The following NLRP5 variants were observed in gnomAD, a reference collection of about 807,000 sequenced individuals.
The protein encoded by NLRP5 is NACHT, LRR and PYD domains-containing protein 5.
In NLRP5, 93 loss-of-function variants were observed where a neutral mutation model predicts 113.1. That is an observed-to-expected ratio of 0.82 (90% CI 0.70 to 0.98). The LOEUF (loss-of-function observed/expected upper bound fraction) is 0.98, where lower values mean the gene tolerates loss of function less well. Ranked by LOEUF, NLRP5 falls within the 50% of genes least tolerant of loss-of-function variation. NLRP5 has a pLI of 0.00. For missense variants in NLRP5, 1,808 were observed against 1,514.3 expected (o/e 1.19, Z -3.22); for synonymous variants, 751 against 600.7 (o/e 1.25, Z -3.66).
intron 12 of NLRP5, among the ~76,000 whole-genome samples, chr19:56,052,143 C>T (rs1983952295): frequency 6.6e-6 from 1 of 152,128 alleles, no homozygotes; most frequent in Non-Finnish European, 1.5e-5. Flanking sequence ...CAAGGGTTGG[C>T]CCTCACAACT....
Position 55,999,731 on chromosome 19 carries a change from G to T in NLRP5, c.6G>T (p.Lys2Asn). 6.2e-7 allele frequency: 1 copy of T among 1,612,356 alleles called. No homozygotes were observed. Among genetic ancestry groups the T allele is most frequent in the South Asian group, 1.1e-5 (1 of 91,034 alleles). The stretch of plus-strand genomic sequence containing the variant: ...CTTTCCATGGCGATGTTATCATGAA[G>T]GTTGCAGGAGGACTTGAACTTGGAG... The change falls in exon 1 of 15, where the codon AAG (lysine) becomes AAT (asparagine). Residue 2 changes from lysine (K) to asparagine (N), a missense_variant. Lys to Asn is a moderately conservative substitution (Grantham distance 94). Transcript: ENST00000390649.
chr19:55,994,206 T>C, the NLRP5 span, among the ~76,000 whole-genome samples: 4 of 152,292 alleles, frequency 2.6e-5, no homozygotes, highest in South Asian at 8.3e-4. Flanking sequence ...ATTGCGATGA[T>C]GAGTAATGTT....
At chr19:56,045,111 G>A (rs1242690145) in intron 11 of NLRP5, among the ~76,000 whole-genome samples, 5 of 152,192 alleles carry the variant, frequency 3.3e-5, no homozygotes, top group African/African-American at 1.2e-4. Flanking sequence ...CTTTCTGGAG[G>A]AGTCCTTAGA....
At chr19:55,992,318 C>T in the NLRP5 span, among the ~76,000 whole-genome samples, 58,947 of 151,926 alleles carry the variant, frequency 0.39, 11,779 homozygotes, top group African/African-American at 0.47. Flanking sequence ...TAAACAGTGC[C>T]ACGGTGAACA....
At chr19:56,060,675 A>AC (rs1984318724) in intron 14 of NLRP5, among the ~76,000 whole-genome samples, 1 of 152,126 alleles carries the variant, frequency 6.6e-6, no homozygotes, top group Non-Finnish European at 1.5e-5. Flanking sequence ...GTTGTAAGGA[A>AC]CAGATGCCTT....
chr19:55,987,818 A>G, the NLRP5 span: 11 of 1,613,434 alleles, frequency 6.8e-6, no homozygotes, highest in Non-Finnish European at 9.3e-6. Context: ...CTCCAGCTGT[A>G]TTCCTGCCTG....
chr19:56,017,619 T>C (rs1982458223), intron 4 of NLRP5, among the ~76,000 whole-genome samples: 1 of 152,236 alleles, frequency 6.6e-6, no homozygotes, highest in African/African-American at 2.4e-5. Flanking sequence ...TAAGAGAGCA[T>C]ACTTTGTATA....
intron 11 of NLRP5, among the ~76,000 whole-genome samples, chr19:56,045,049 T>C (rs1983671610): frequency 6.6e-6 from 1 of 152,230 alleles, no homozygotes; most frequent in Non-Finnish European, 1.5e-5. Flanking sequence ...TATTGATTTG[T>C]GTACATTAAT....
chr19:56,051,198 TTG>T (rs1983920077), intron 12 of NLRP5, among the ~76,000 whole-genome samples: 2 of 152,118 alleles, frequency 1.3e-5, no homozygotes, highest in Non-Finnish European at 2.9e-5. Context: ...TTCTTTTTGT[TTG>T]TTTGTTTATT....
chr19:55,998,690 A>ATATGTGTGTGTGTGTGTG (rs1568478192), upstream of NLRP5, among the ~76,000 whole-genome samples: 50 of 56,286 alleles, frequency 8.9e-4, 1 homozygote, highest in African/African-American at 5.4e-3. Flanking sequence ...ATATATATAT[A>ATATGTGTGTGTGTGTGTG]TATATATATA....
intron 7 of NLRP5, among the ~76,000 whole-genome samples, chr19:56,032,410 G>A (rs752627869): frequency 1.4e-4 from 21 of 151,450 alleles, no homozygotes; most frequent in Non-Finnish European, 2.1e-4. Context: ...ATACCCCCTC[G>A]GGTATCGGTA....
At chr19:56,005,338 CA>C (rs1981841100) in intron 2 of NLRP5, among the ~76,000 whole-genome samples, 1 of 136,676 alleles carries the variant, frequency 7.3e-6, no homozygotes. Flanking sequence ...TATATATACA[CA>C]TACACATACA....
intron 6 of NLRP5, among the ~76,000 whole-genome samples, chr19:56,026,464 G>T (rs3103610): frequency 1.4e-5 from 2 of 138,256 alleles, no homozygotes; most frequent in African/African-American, 2.7e-5. Flanking sequence ...GGAAGCGGAC[G>T]TTGCAGTGAG....
At chr19:56,003,372 T>G (rs1437693985) in intron 1 of NLRP5, among the ~76,000 whole-genome samples, 3 of 152,234 alleles carry the variant, frequency 2.0e-5, no homozygotes, top group Non-Finnish European at 4.4e-5. Context: ...CAGGCTGGTC[T>G]TGAACTCCTG....
intron 11 of NLRP5, among the ~76,000 whole-genome samples, chr19:56,046,642 A>C (rs1983738259): frequency 6.6e-6 from 1 of 151,194 alleles, no homozygotes; most frequent in South Asian, 2.1e-4. Context: ...CCGGGTTCAC[A>C]CCATTCTCCT....
At chr19:56,021,055 A>G (rs905573491) in intron 6 of NLRP5, among the ~76,000 whole-genome samples, 1 of 152,028 alleles carries the variant, frequency 6.6e-6, no homozygotes, top group Non-Finnish European at 1.5e-5. Flanking sequence ...TATTTTTAGT[A>G]GAGATGGGGT....
At chr19:56,026,032 A>G (rs1982830564) in intron 6 of NLRP5, among the ~76,000 whole-genome samples, 1 of 152,114 alleles carries the variant, frequency 6.6e-6, no homozygotes, top group Non-Finnish European at 1.5e-5. Flanking sequence ...CCCCAGTGCA[A>G]AAAGGGACAT....
chr19:56,014,740 T>G (rs985411571), intron 3 of NLRP5, among the ~76,000 whole-genome samples: 38 of 152,314 alleles, frequency 2.5e-4, no homozygotes, highest in African/African-American at 9.1e-4. Context: ...TATGGGATTA[T>G]TTTTAAACTT....
chr19:55,992,912 C>T, the NLRP5 span, among the ~76,000 whole-genome samples: 1 of 151,828 alleles, frequency 6.6e-6, no homozygotes, highest in Non-Finnish European at 1.5e-5. Flanking sequence ...TGCAATGGTG[C>T]AATCTTGGCT....
Sources: gnomAD v4.1 joint callset for allele counts (sites outside exome capture counted in the v4.1 genomes callset) on GRCh38, gnomAD v4.1.1 for gene constraint, MANE v1.5 for transcripts, NCBI Gene and HGNC (gene_info 2026-07-23, HGNC 2026-07-21) for gene names.